LRIG1: variants seen among roughly 807,000 people sequenced by gnomAD.
The protein encoded by LRIG1 is leucine-rich repeats and immunoglobulin-like domains protein 1.
LRIG1 carries 48 observed loss-of-function variants against 99.2 expected under a neutral mutation model. That is an observed-to-expected ratio of 0.48 (90% confidence interval 0.38 to 0.62). The LOEUF (loss-of-function observed/expected upper bound fraction) is 0.62, where lower values mean the gene tolerates loss of function less well. Ranked by LOEUF, LRIG1 falls within the 20% of genes least tolerant of loss-of-function variation. The probability of loss-of-function intolerance (pLI) is 0.00; values close to 1 mark genes in which losing one functional copy is unlikely to be tolerated. For synonymous variants in LRIG1, 772 were observed against 596.1 expected, an observed-to-expected ratio of 1.29 and a Z score of -4.30; for missense variants, 1,646 against 1,434.4, an observed-to-expected ratio of 1.15 and a Z score of -2.38.
chr3:66,437,263 T>C (rs1471631336), intron 3 of LRIG1, among the ~76,000 whole-genome samples: 1 of 152,204 alleles, frequency 6.6e-6, no homozygotes, highest in Admixed American at 6.5e-5. Context: ...GAGCCCTTTT[T>C]TGACACATCT....
chr3:66,493,835 AAGAGAGAGAGAG>A (rs375025046), intron 1 of LRIG1, among the ~76,000 whole-genome samples: 1 of 150,288 alleles, frequency 6.7e-6, no homozygotes, highest in South Asian at 2.1e-4. Context: ...AAAGAAAAAA[AAGAGAGAGAGAG>A]AGAAAGAGAA....
intron 12 of LRIG1, among the ~76,000 whole-genome samples, chr3:66,391,672 T>C (rs1701624173): frequency 6.6e-6 from 1 of 152,176 alleles, no homozygotes; most frequent in African/African-American, 2.4e-5. Context: ...GTGATAAAAA[T>C]GTTCTAAAAT....
At chr3:66,497,044 G>C (rs1260208834) in intron 1 of LRIG1, among the ~76,000 whole-genome samples, 4 of 152,198 alleles carry the variant, frequency 2.6e-5, no homozygotes, top group Non-Finnish European at 4.4e-5. Context: ...AGTACAAAGA[G>C]ATCAAAATCA....
intron 2 of LRIG1, among the ~76,000 whole-genome samples, chr3:66,457,011 C>T (rs970770203): frequency 6.6e-6 from 1 of 152,176 alleles, no homozygotes; most frequent in African/African-American, 2.4e-5. Context: ...GCTGCACAAG[C>T]GTCCTCATGT....
intron 2 of LRIG1, among the ~76,000 whole-genome samples, chr3:66,455,908 T>C (rs972026727): frequency 4.6e-5 from 7 of 152,234 alleles, no homozygotes; most frequent in African/African-American, 1.7e-4. Context: ...AAGGTGAACA[T>C]CTACTATGTG....
intron 3 of LRIG1, among the ~76,000 whole-genome samples, chr3:66,419,423 G>A (rs1702730980): frequency 6.6e-6 from 1 of 152,220 alleles, no homozygotes; most frequent in Non-Finnish European, 1.5e-5. Context: ...CCATTTGGCA[G>A]AAGAGGCAGC....
At chr3:66,392,825 G>A (rs1202438528) in intron 12 of LRIG1, among the ~76,000 whole-genome samples, 1 of 152,158 alleles carries the variant, frequency 6.6e-6, no homozygotes, top group Non-Finnish European at 1.5e-5. Context: ...AAGGGTCAAG[G>A]ACTTGATGAC....
chr3:66,421,848 T>C (rs537724568), intron 3 of LRIG1, among the ~76,000 whole-genome samples: 1 of 152,378 alleles, frequency 6.6e-6, no homozygotes, highest in Admixed American at 6.5e-5. Flanking sequence ...AGCAAACTTC[T>C]ACCTGGGCAT....
chr3:66,382,241 AG>A, intron 16 of LRIG1, 31 bp downstream of exon 16: 1 of 1,612,954 alleles, frequency 6.2e-7, no homozygotes, highest in Admixed American at 1.7e-5. Context: ...CAGTCACAGC[AG>A]AGCTCTGCTT....
rs1032330900 is a variant in LRIG1, at chr3:66,407,626, C to CAT, written c.936-136_936-135insAT. 3 of 859,658 alleles carry CAT rather than the reference C, an allele frequency of 3.5e-6. No individual in the cohort carries two copies. The African/African-American group carries it at 5.1e-5, about 15-fold the overall frequency. The allele number at this position is 859,658 out of a possible 1,614,324, so 53.3% of individuals were successfully genotyped here. A position where few individuals can be genotyped will look rare whatever the true frequency, so the allele number is the denominator to read the frequency against. Reference sequence around the variant, plus strand: ...ATGCACACGCACGCGCGTGCGTGCACACACACACCCACACCCACAGAATCC... The same window carrying CAT: ...ATGCACACGCACGCGCGTGCGTGCACATACACACACCCACACCCACAGAATCC... On this transcript the variant is annotated intron_variant, in intron 7 of 18. Transcript: ENST00000273261.
rs529424937 is a variant in LRIG1, at chr3:66,475,569, G to A, written c.219-13060C>T. 5.9e-5 allele frequency among the ~76,000 whole-genome samples: 9 copies of A among 152,284 alleles called. No individual in the cohort carries two copies. In the South Asian group the frequency reaches 6.2e-4, roughly 11 times the overall value. On this transcript the variant is annotated intron_variant, in intron 1 of 18. Coordinates refer to ENST00000273261, the MANE Select transcript of LRIG1 (RefSeq NM_015541.3). ...GCTGTTCCAATCCCAGGTCTAGTCC[G>A]CATGGCTACACAAACATGACTCTGC... is the stretch of plus-strand genomic sequence containing the variant.
At chr3:66,389,061 A>G (rs1701514396) in intron 12 of LRIG1, among the ~76,000 whole-genome samples, 1 of 152,236 alleles carries the variant, frequency 6.6e-6, no homozygotes, top group South Asian at 2.1e-4. Flanking sequence ...CTTAATGAAA[A>G]TGTAATGTGT....
intron 1 of LRIG1, among the ~76,000 whole-genome samples, chr3:66,477,212 T>C (rs1700742920): frequency 7.3e-6 from 1 of 136,580 alleles, no homozygotes; most frequent in Admixed American, 7.6e-5. Context: ...ACACTCCTGT[T>C]CTTGCTCTTA....
At chr3:66,450,671 G>A (rs528584636) in intron 3 of LRIG1, among the ~76,000 whole-genome samples, 2 of 152,286 alleles carry the variant, frequency 1.3e-5, no homozygotes, top group South Asian at 4.1e-4. Context: ...TCAGCCTGCC[G>A]AGCCTCAGTA....
At chr3:66,409,119 G>A (rs549134940) in intron 7 of LRIG1, among the ~76,000 whole-genome samples, 1 of 152,170 alleles carries the variant, frequency 6.6e-6, no homozygotes, top group South Asian at 2.1e-4. Flanking sequence ...GACAGACTGA[G>A]GCTTGGCACT....
chr3:66,479,660 A>T (rs1700803062), intron 1 of LRIG1, among the ~76,000 whole-genome samples: 2 of 152,238 alleles, frequency 1.3e-5, no homozygotes, highest in African/African-American at 4.8e-5. Context: ...TCCAAAGAAG[A>T]TATACACATG....
chr3:66,438,931 T>C (rs1029171404), intron 3 of LRIG1, among the ~76,000 whole-genome samples: 2 of 152,204 alleles, frequency 1.3e-5, no homozygotes, highest in African/African-American at 4.8e-5. Context: ...ACCATTTCCT[T>C]TGATGACGTA....
At position 66,407,496 on chromosome 3, in the gene LRIG1, G is replaced by A. The variant is rs760692489; in HGVS notation, c.936-5C>T. The A allele has an allele frequency of 6.8e-6, 11 of 1,613,690 alleles. No individual in the cohort carries two copies. The South Asian group carries it at 7.7e-5, about 11-fold the overall frequency. On this transcript the variant is annotated splice_polypyrimidine_tract_variant and splice_region_variant and intron_variant, in intron 7 of 18. Transcript: ENST00000273261. Reference sequence around the variant, plus strand: ...AGGTTGTTGAAGGACAGGACCCTGAGGAAAGGGAGGGCAGCAATGTCACCA... The same window carrying A: ...AGGTTGTTGAAGGACAGGACCCTGAAGAAAGGGAGGGCAGCAATGTCACCA...
intron 1 of LRIG1, among the ~76,000 whole-genome samples, chr3:66,472,081 G>A (rs1210031211): frequency 6.6e-6 from 1 of 152,064 alleles, no homozygotes. Context: ...AAGGCAGGCA[G>A]ACCATGAGGT....
Sources: gnomAD v4.1 joint callset for allele counts (sites outside exome capture counted in the v4.1 genomes callset) on GRCh38, gnomAD v4.1.1 for gene constraint, MANE v1.5 for transcripts, NCBI Gene and HGNC (gene_info 2026-07-23, HGNC 2026-07-21) for gene names.